IL1RAPL1: variants seen among roughly 807,000 people sequenced by gnomAD.
IL1RAPL1 encodes interleukin 1 receptor accessory protein like 1, also known as interleukin-1 receptor accessory protein-like 1.
In IL1RAPL1, 3 loss-of-function variants were observed where a neutral mutation model predicts 48.4. The observed-to-expected ratio is 0.06, with a 90% CI of 0.03 to 0.16. The LOEUF (loss-of-function observed/expected upper bound fraction) is 0.16. Ranked by LOEUF, IL1RAPL1 falls within the 10% of genes least tolerant of loss-of-function variation. The pLI, the probability that IL1RAPL1 is intolerant of heterozygous loss-of-function variation, is 1.00. For missense variants in IL1RAPL1, 349 were observed against 530.6 expected, an observed-to-expected ratio of 0.66 and a Z score of 3.36; for synonymous variants, 185 against 187.7, an observed-to-expected ratio of 0.99 and a Z score of 0.12.
chrX:29,750,275 T>C (rs1928427545), intron 6 of IL1RAPL1, among the ~76,000 whole-genome samples: 1 of 112,440 alleles, frequency 8.9e-6, no homozygotes, highest in Admixed American at 9.5e-5. Flanking sequence ...TCCTCTGTCC[T>C]GTTTTCCACT....
intron 5 of IL1RAPL1, among the ~76,000 whole-genome samples, chrX:29,424,467 T>C (rs1054995034): frequency 9.0e-6 from 1 of 111,475 alleles, no homozygotes; most frequent in African/African-American, 3.3e-5. Context: ...GCTAAGGTGG[T>C]GCAAAGCTCA....
chrX:29,939,556 G>C (rs12010903), intron 8 of IL1RAPL1, among the ~76,000 whole-genome samples: 20,455 of 110,974 alleles, frequency 0.18, 1,467 homozygotes, highest in Middle Eastern at 0.24. Context: ...TTTGTATTTT[G>C]TTCCTGGTAT....
At chrX:28,982,356 T>C (rs1463948945) in intron 2 of IL1RAPL1, among the ~76,000 whole-genome samples, 3 of 112,318 alleles carry the variant, frequency 2.7e-5, no homozygotes, top group Non-Finnish European at 5.6e-5. Context: ...TTTGGTTCAG[T>C]CTTATAATTT....
intron 2 of IL1RAPL1, among the ~76,000 whole-genome samples, chrX:29,092,517 A>C (rs1332326875): frequency 8.9e-6 from 1 of 112,032 alleles, no homozygotes; most frequent in Non-Finnish European, 1.9e-5. Flanking sequence ...TTTTTTACTG[A>C]AATATATTTT....
intron 2 of IL1RAPL1, among the ~76,000 whole-genome samples, chrX:28,856,619 G>A (rs1921812909): frequency 9.0e-6 from 1 of 111,187 alleles, no homozygotes; most frequent in Non-Finnish European, 1.9e-5. Flanking sequence ...GATTATGTCT[G>A]TCATGGTGAT....
At chrX:28,855,825 G>A (rs1921790988) in intron 2 of IL1RAPL1, among the ~76,000 whole-genome samples, 1 of 111,308 alleles carries the variant, frequency 9.0e-6, no homozygotes, top group African/African-American at 3.3e-5. Flanking sequence ...ACATCAGCAA[G>A]CAGATATACA....
chrX:28,956,004 C>T (rs1924599166), intron 2 of IL1RAPL1, among the ~76,000 whole-genome samples: 3 of 104,448 alleles, frequency 2.9e-5, no homozygotes, highest in Non-Finnish European at 5.8e-5. Context: ...AAGTTGGATT[C>T]CTAGGTATTT....
intron 3 of IL1RAPL1, among the ~76,000 whole-genome samples, chrX:29,337,042 G>T (rs938998359): frequency 9.0e-6 from 1 of 110,585 alleles, no homozygotes; most frequent in Non-Finnish European, 1.9e-5. Flanking sequence ...TGCTTCTAAG[G>T]TCCCCCCAGT....
intron 3 of IL1RAPL1, among the ~76,000 whole-genome samples, chrX:29,310,289 T>G (rs1264164964): frequency 9.2e-6 from 1 of 108,303 alleles, no homozygotes; most frequent in Admixed American, 9.8e-5. Context: ...GTTCATGGCT[T>G]TATATTTATA....
intron 6 of IL1RAPL1, among the ~76,000 whole-genome samples, chrX:29,859,355 A>G (rs1414135595): frequency 8.9e-6 from 1 of 111,839 alleles, no homozygotes; most frequent in Non-Finnish European, 1.9e-5. Context: ...ATGGCTCTCC[A>G]TAGCCAATCT....
intron 8 of IL1RAPL1, among the ~76,000 whole-genome samples, chrX:29,939,403 G>A (rs891795672): frequency 3.6e-5 from 4 of 111,837 alleles, no homozygotes; most frequent in African/African-American, 1.3e-4. Flanking sequence ...CACCCTGTGG[G>A]CATAAGTTAG....
intron 2 of IL1RAPL1, among the ~76,000 whole-genome samples, chrX:29,023,762 C>T (rs774150129): frequency 3.6e-5 from 4 of 111,545 alleles, no homozygotes; most frequent in African/African-American, 9.8e-5. Context: ...TTATCTGTAT[C>T]GATTAGATAA....
In IL1RAPL1 at chrX:29,381,012, G is replaced by A. The variant is rs775027770; in HGVS notation, c.363-15246G>A. ...GAAAAGTAGGTTTTTGATAGCCTTAGTAACAACATTTTCTGAGAAATAGTG... is the reference window on the plus strand; with the variant it reads ...GAAAAGTAGGTTTTTGATAGCCTTAATAACAACATTTTCTGAGAAATAGTG... On this transcript the variant is annotated intron_variant, in intron 3 of 10. Transcript: ENST00000378993. Among the ~76,000 whole-genome samples, 13 of 111,718 alleles carry A rather than the reference G, an allele frequency of 1.2e-4. No homozygotes were observed. The South Asian group carries it at 4.5e-3, about 38-fold the overall frequency.
intron 2 of IL1RAPL1, among the ~76,000 whole-genome samples, chrX:29,091,263 A>G (rs1157436298): frequency 1.8e-5 from 2 of 112,158 alleles, no homozygotes; most frequent in Admixed American, 1.9e-4. Flanking sequence ...AGCTTGCCTT[A>G]TCATCATACT....
intron 6 of IL1RAPL1, among the ~76,000 whole-genome samples, chrX:29,705,447 G>A (rs768816580): frequency 3.6e-5 from 4 of 111,984 alleles, no homozygotes; most frequent in South Asian, 7.6e-4. Flanking sequence ...ACTCCTGAGC[G>A]CAAGTGTTCA....
chrX:28,713,457 C>G (rs1018491250), intron 1 of IL1RAPL1, among the ~76,000 whole-genome samples: 1 of 111,104 alleles, frequency 9.0e-6, no homozygotes, highest in African/African-American at 3.3e-5. Context: ...TATGCATGCC[C>G]CATAAGTCTT....
At chrX:29,896,811 G>GAGGCA (rs891543563) in intron 6 of IL1RAPL1, among the ~76,000 whole-genome samples, 1 of 109,919 alleles carries the variant, frequency 9.1e-6, no homozygotes, top group African/African-American at 3.5e-5. Context: ...TTATGTCAAT[G>GAGGCA]AGGCAAGTCA....
At chrX:29,224,556 A>G in intron 2 of IL1RAPL1, among the ~76,000 whole-genome samples, 1 of 111,874 alleles carries the variant, frequency 8.9e-6, no homozygotes, top group Non-Finnish European at 1.9e-5. Flanking sequence ...CTTTATAATA[A>G]TAGTAATCAT....
chrX:28,867,949 C>T (rs1318879432), intron 2 of IL1RAPL1, among the ~76,000 whole-genome samples: 1 of 111,756 alleles, frequency 8.9e-6, no homozygotes, highest in Non-Finnish European at 1.9e-5. Context: ...TAAAATCTTA[C>T]ACTTGTCAGA....
Sources: gnomAD v4.1 joint callset for allele counts (sites outside exome capture counted in the v4.1 genomes callset) on GRCh38, gnomAD v4.1.1 for gene constraint, MANE v1.5 for transcripts, NCBI Gene and HGNC (gene_info 2026-07-23, HGNC 2026-07-21) for gene names.